The following RSPH14 variants were observed in gnomAD, a reference collection of about 807,000 sequenced individuals.
The protein encoded by RSPH14 is rhabdoid tumor deletion region gene 1.
Under a neutral mutation model 26.7 loss-of-function variants are expected in RSPH14, and 20 were observed. The ratio of observed to expected loss-of-function variants is 0.75; its 90% CI spans 0.53 to 1.09. RSPH14 has a LOEUF of 1.09. Among genes scored for constraint, RSPH14 ranks in the 50% least tolerant of loss-of-function variants. RSPH14 has a pLI of 0.00. For synonymous variants in RSPH14, 177 were observed against 189.3 expected (o/e 0.93, Z 0.53); for missense variants, 449 against 457.2 (o/e 0.98, Z 0.16).
At chr22:23,145,466 G>T (rs746854024), upstream of RSPH14, 2 of 1,609,762 alleles carry the variant, frequency 1.2e-6, no homozygotes, top group Admixed American at 1.7e-5. Flanking sequence ...CGCAGGTCCC[G>T]CGTGGCTCTC....
upstream of RSPH14, among the ~76,000 whole-genome samples, chr22:23,143,936 T>A (rs1046543883): frequency 9.9e-5 from 15 of 151,486 alleles, no homozygotes; most frequent in African/African-American, 3.6e-4. Flanking sequence ...ACTAAAAAAA[T>A]TTAAAAATTA....
At chr22:23,166,147 TAAAAA>T in the RSPH14 span, among the ~76,000 whole-genome samples, 623 of 59,872 alleles carry the variant, frequency 0.01, 27 homozygotes, top group African/African-American at 0.037. Context: ...CTCTGTCTTT[TAAAAA>T]AAAAAAAAAA....
At chr22:23,150,127 G>A in the RSPH14 span, 66 of 1,612,282 alleles carry the variant, frequency 4.1e-5, no homozygotes, top group Non-Finnish European at 5.2e-5. Context: ...AGCGCTGCCT[G>A]CCAACGCAGG....
At chr22:23,091,996 G>A (rs1444756697) in intron 4 of RSPH14, among the ~76,000 whole-genome samples, 1 of 152,114 alleles carries the variant, frequency 6.6e-6, no homozygotes, top group African/African-American at 2.4e-5. Flanking sequence ...CCTCTGCCTG[G>A]CACACTCTTT....
chr22:23,118,677 G>A (rs2069923141), intron 4 of RSPH14, among the ~76,000 whole-genome samples: 1 of 152,234 alleles, frequency 6.6e-6, no homozygotes, highest in Non-Finnish European at 1.5e-5. Context: ...GGCAGAGGCA[G>A]CTCCTCTGAA....
rs1167952880 is a variant in RSPH14, at chr22:23,059,589, T to A, written c.920A>T (p.Lys307Met). ...AGTGGGCACGTGCGTCTGCAGGGCC[T>A]TGCGGCCCTCGGGGGCCTCTGCCAG... Reference protein sequence around the residue: ...TMLAEAPEGRKALQTHVPTFR... With the variant: ...TMLAEAPEGRMALQTHVPTFR... The change falls in exon 7 of 7, where the codon AAG becomes ATG. Residue 307 changes from lysine (K) to methionine (M), a missense_variant. Coordinates refer to ENST00000216036, the MANE Select transcript of RSPH14 (RefSeq NM_014433.3). The A allele has an allele frequency of 6.2e-7, 1 of 1,613,900 alleles. No individual in the cohort carries two copies. The highest frequency in any genetic ancestry group is 8.5e-7 in the Non-Finnish European group (1 of 1,179,936).
chr22:23,072,690 C>T (rs2068409739), intron 4 of RSPH14, among the ~76,000 whole-genome samples: 1 of 152,236 alleles, frequency 6.6e-6, no homozygotes, highest in African/African-American at 2.4e-5. Flanking sequence ...GGGTGAGCTG[C>T]TGTGCTCTGT....
At chr22:23,126,154 G>A (rs144331660) in intron 4 of RSPH14, among the ~76,000 whole-genome samples, 35 of 152,340 alleles carry the variant, frequency 2.3e-4, no homozygotes, top group African/African-American at 7.9e-4. Context: ...TAATTTCGCC[G>A]TGAGCATCTT....
intron 4 of RSPH14, among the ~76,000 whole-genome samples, chr22:23,120,340 G>A (rs544346424): frequency 6.6e-6 from 1 of 152,296 alleles, no homozygotes; most frequent in South Asian, 2.1e-4. Context: ...GACAAGAAGA[G>A]TGGCTGCCTT....
chr22:23,111,932 G>A (rs1278763937), intron 4 of RSPH14, among the ~76,000 whole-genome samples: 3 of 152,168 alleles, frequency 2.0e-5, no homozygotes, highest in African/African-American at 7.2e-5. Context: ...GTGTCACTAG[G>A]AGCATGTTCT....
chr22:23,065,500 G>C (rs1569153956), intron 4 of RSPH14, among the ~76,000 whole-genome samples: 1 of 116,552 alleles, frequency 8.6e-6, no homozygotes, highest in African/African-American at 3.4e-5. Context: ...TGCTTCTACT[G>C]TGTTGGCCTT....
upstream of RSPH14, chr22:23,145,552 G>T (rs1247959479): frequency 1.9e-6 from 3 of 1,599,532 alleles, no homozygotes; most frequent in Admixed American, 3.3e-5. Context: ...GCCATCGCTG[G>T]TGAGTCAGCT....
At position 23,074,241 on chromosome 22, in the gene RSPH14, A is replaced by G. The variant is rs944364382; in HGVS notation, c.422-10108T>C. ...CTCTGCTGAGGTGGGAAAATAGGCT[A>G]GGGTGGGGTAAGGCTGGGGGCCATG... On this transcript the variant is annotated intron_variant, in intron 4 of 6. Coordinates refer to ENST00000216036, the MANE Select transcript of RSPH14 (RefSeq NM_014433.3). Among the ~76,000 whole-genome samples the G allele has an allele frequency of 7.2e-5, 11 of 152,104 alleles. 1 individual carries two copies. Among genetic ancestry groups the G allele is most frequent in the Non-Finnish European group, 1.5e-4 (10 of 68,014 alleles).
chr22:23,157,889 G>A, the RSPH14 span: 1 of 1,581,378 alleles, frequency 6.3e-7, no homozygotes, highest in Middle Eastern at 1.7e-4. Context: ...GCCTGGTTGG[G>A]GGGCTGCCCT....
the RSPH14 span, among the ~76,000 whole-genome samples, chr22:23,175,048 G>A: frequency 6.6e-5 from 10 of 150,958 alleles, no homozygotes; most frequent in Admixed American, 2.6e-4. Flanking sequence ...CCAGGCTGGA[G>A]TGCAGTGACG....
At position 23,129,539 on chromosome 22, in the gene RSPH14, G is replaced by A. The variant is rs371383717; in HGVS notation, c.421+4487C>T. On this transcript the variant is annotated intron_variant, in intron 4 of 6. Coordinates refer to ENST00000216036, the MANE Select transcript of RSPH14 (RefSeq NM_014433.3). Reference sequence around the variant, plus strand: ...TATGGCAGAATATCTTCATGAGTCAGGGTAAAGAAAGATTATCTTACACGG... The same window carrying A: ...TATGGCAGAATATCTTCATGAGTCAAGGTAAAGAAAGATTATCTTACACGG... Among the ~76,000 whole-genome samples, 112 of 151,730 alleles carry A rather than the reference G, an allele frequency of 7.4e-4. 2 individuals are homozygous for A. In the South Asian group the frequency reaches 0.023, roughly 31 times the overall value.
In RSPH14 at chr22:23,114,414, G is replaced by A. The variant is rs531350818; in HGVS notation, c.421+19612C>T. Among the ~76,000 whole-genome samples the A allele has an allele frequency of 3.9e-5, 6 of 152,284 alleles. No homozygotes were observed. In the East Asian group the frequency reaches 9.7e-4, roughly 25 times the overall value. ...CCGGCCCCACCCTTCCCAGCAATGC[G>A]GCTGCATCCCCATGCCTCTGTGCCT... On this transcript the variant is annotated intron_variant, in intron 4 of 6. Transcript: ENST00000216036.
chr22:23,063,212 C>T (rs910548896), intron 5 of RSPH14, among the ~76,000 whole-genome samples: 1 of 152,152 alleles, frequency 6.6e-6, no homozygotes, highest in Admixed American at 6.5e-5. Flanking sequence ...GGCTTGGGTC[C>T]GGGGCCCCAC....
chr22:23,063,272 C>T (rs931131517), intron 5 of RSPH14, among the ~76,000 whole-genome samples: 5 of 152,160 alleles, frequency 3.3e-5, no homozygotes, highest in Non-Finnish European at 7.3e-5. Flanking sequence ...GAAGAGAAGC[C>T]AGGACTTAGG....
Sources: gnomAD v4.1 joint callset for allele counts (sites outside exome capture counted in the v4.1 genomes callset) on GRCh38, gnomAD v4.1.1 for gene constraint, MANE v1.5 for transcripts, NCBI Gene and HGNC (gene_info 2026-07-23, HGNC 2026-07-21) for gene names.